Variants in ARMC9 observed in about 807,000 individuals in gnomAD.
ARMC9 encodes the protein lisH domain-containing protein ARMC9.
Under a neutral mutation model 107.0 loss-of-function variants are expected in ARMC9, and 94 were observed. That is an observed-to-expected ratio of 0.88 (90% CI 0.74 to 1.04). ARMC9 has a LOEUF of 1.04. Among genes scored for constraint, ARMC9 ranks in the 50% least tolerant of loss-of-function variants. ARMC9 has a pLI of 0.00. For missense variants in ARMC9, 942 were observed against 1,030.1 expected (o/e 0.91, Z 1.17); for synonymous variants, 380 against 396.9 (o/e 0.96, Z 0.51).
At chr2:231,330,051 C>T (rs1366379016) in intron 19 of ARMC9, among the ~76,000 whole-genome samples, 1 of 152,074 alleles carries the variant, frequency 6.6e-6, no homozygotes, top group Non-Finnish European at 1.5e-5. Context: ...GTCTTAAACC[C>T]ACTGGACATA....
At chr2:231,263,499 C>T (rs893313248) in intron 12 of ARMC9, among the ~76,000 whole-genome samples, 5 of 152,178 alleles carry the variant, frequency 3.3e-5, no homozygotes, top group African/African-American at 1.2e-4. Flanking sequence ...ATAACTAACC[C>T]ACTCCGGCAA....
chr2:231,278,075 G>C (rs997533072), intron 15 of ARMC9, among the ~76,000 whole-genome samples: 1 of 152,146 alleles, frequency 6.6e-6, no homozygotes, highest in Admixed American at 6.6e-5. Context: ...TCTGACCGGA[G>C]TAATAGCCAC....
chr2:231,332,766 C>A (rs981345794), intron 20 of ARMC9, among the ~76,000 whole-genome samples: 12 of 152,150 alleles, frequency 7.9e-5, no homozygotes, highest in Non-Finnish European at 1.6e-4. Flanking sequence ...TGCCAGGAAC[C>A]AGGACCAATT....
intron 19 of ARMC9, among the ~76,000 whole-genome samples, chr2:231,310,129 A>C (rs765466249): frequency 2.0e-5 from 3 of 152,180 alleles, no homozygotes; most frequent in African/African-American, 7.2e-5. Context: ...AAGTTCAGCT[A>C]TGGGGCCGGG....
chr2:231,244,325 C>T (rs1470912074), intron 9 of ARMC9, among the ~76,000 whole-genome samples: 1 of 150,858 alleles, frequency 6.6e-6, no homozygotes, highest in Admixed American at 6.6e-5. Flanking sequence ...GAAAATATCA[C>T]TGTTGGTACT....
At chr2:231,276,195 G>T (rs2039732898) in intron 14 of ARMC9, among the ~76,000 whole-genome samples, 1 of 151,676 alleles carries the variant, frequency 6.6e-6, no homozygotes, top group South Asian at 2.1e-4. Flanking sequence ...AATTGTATGG[G>T]TTTAACAAAA....
chr2:231,368,219 T>A (rs942196802), intron 23 of ARMC9, among the ~76,000 whole-genome samples: 3 of 152,070 alleles, frequency 2.0e-5, no homozygotes, highest in African/African-American at 7.2e-5. Context: ...AGCTCCTTTG[T>A]ATGTGTGAAA....
intron 19 of ARMC9, among the ~76,000 whole-genome samples, chr2:231,299,196 G>A (rs1054286651): frequency 1.3e-5 from 2 of 152,044 alleles, no homozygotes; most frequent in African/African-American, 4.8e-5. Flanking sequence ...AAAAATAAAG[G>A]TAGAGCTAGA....
At chr2:231,311,555 A>G (rs1428890981) in intron 19 of ARMC9, among the ~76,000 whole-genome samples, 1 of 152,072 alleles carries the variant, frequency 6.6e-6, no homozygotes, top group Non-Finnish European at 1.5e-5. Context: ...GGATCACTTG[A>G]GGTCAGGAGT....
intron 11 of ARMC9, among the ~76,000 whole-genome samples, chr2:231,261,440 G>A (rs2125412126): frequency 6.6e-6 from 1 of 152,292 alleles, no homozygotes; most frequent in Non-Finnish European, 1.5e-5. Context: ...GTGCACACAA[G>A]CGCACATGCA....
intron 19 of ARMC9, among the ~76,000 whole-genome samples, chr2:231,318,849 A>C (rs1191995086): frequency 6.6e-6 from 1 of 152,206 alleles, no homozygotes; most frequent in East Asian, 1.9e-4. Flanking sequence ...AAGTCGTTAG[A>C]TCCTAGGGAT....
At chr2:231,332,746 G>C (rs2043827758) in intron 20 of ARMC9, among the ~76,000 whole-genome samples, 1 of 152,182 alleles carries the variant, frequency 6.6e-6, no homozygotes, top group Non-Finnish European at 1.5e-5. Flanking sequence ...GTCTGGAAGG[G>C]AGGAGCAATT....
Position 231,358,684 on chromosome 2 carries a change from TTCAG to T in ARMC9, c.2132-2065_2132-2062del, listed in dbSNP as rs779929302. ...TGAGGAAGAGCCTTTGCGCTTTGCGTTCAGTCAGCACCGCAGGGAAAACTCATGA... is the reference window on the plus strand; with the variant it reads ...TGAGGAAGAGCCTTTGCGCTTTGCGTTCAGCACCGCAGGGAAAACTCATGA... On this transcript the variant is annotated intron_variant, in intron 22 of 24. Transcript: ENST00000611582. The surrounding 1 kb of genome is among the most constrained non-coding windows in gnomAD (Gnocchi z 4.5). Among the ~76,000 whole-genome samples the T allele has an allele frequency of 8.5e-4, 130 of 152,244 alleles. No individual in the cohort carries two copies. Among genetic ancestry groups the T allele is most frequent in the Non-Finnish European group, 1.1e-3 (74 of 68,016 alleles).
intron 19 of ARMC9, among the ~76,000 whole-genome samples, chr2:231,324,355 T>A (rs1452760497): frequency 6.6e-6 from 1 of 151,098 alleles, no homozygotes; most frequent in African/African-American, 2.4e-5. Context: ...CTTGAACGCC[T>A]GACCTCGTAA....
intron 21 of ARMC9, among the ~76,000 whole-genome samples, chr2:231,353,825 A>G (rs570753903): frequency 1.3e-5 from 2 of 151,914 alleles, no homozygotes; most frequent in East Asian, 1.9e-4. Flanking sequence ...CTGCTTCTCA[A>G]TTGACACCCC....
Position 231,360,097 on chromosome 2 carries a change from G to A in ARMC9, c.2132-657G>A, listed in dbSNP as rs913500525. On this transcript the variant is annotated intron_variant, in intron 22 of 24. Coordinates refer to ENST00000611582, the MANE Select transcript of ARMC9 (RefSeq NM_001352754.2). The surrounding 1 kb of genome is among the most constrained non-coding windows in gnomAD (Gnocchi z 4.7). ...GGAAGGGGTGCGTGGCATCTGAGAT[G>A]CAGGAACATCTGTTCCCAGGCCCTT... is the stretch of plus-strand genomic sequence containing the variant. 2.6e-5 allele frequency among the ~76,000 whole-genome samples: 4 copies of A among 152,010 alleles called. No individual in the cohort carries two copies. Among genetic ancestry groups the A allele is most frequent in the Non-Finnish European group, 5.9e-5 (4 of 67,996 alleles).
chr2:231,205,633 G>A (rs1052924178), intron 1 of ARMC9, among the ~76,000 whole-genome samples: 17 of 152,186 alleles, frequency 1.1e-4, no homozygotes, highest in African/African-American at 2.4e-5. Flanking sequence ...TTTAGCCATT[G>A]TATTTCCTAG....
Position 231,355,740 on chromosome 2 carries a change from G to A in ARMC9, c.1995-58G>A, listed in dbSNP as rs151050561. On this transcript the variant is annotated intron_variant, in intron 21 of 24. Coordinates refer to ENST00000611582, the MANE Select transcript of ARMC9 (RefSeq NM_001352754.2). Reference sequence around the variant, plus strand: ...ATTTGTGATGCTGCAGTCGGCAGTCGGCAGTCCGAATCTCCTGGCTGGCTG... The same window carrying A: ...ATTTGTGATGCTGCAGTCGGCAGTCAGCAGTCCGAATCTCCTGGCTGGCTG... 142 of 1,466,410 alleles carry A rather than the reference G, an allele frequency of 9.7e-5. No homozygotes were observed. In the African/African-American group the frequency reaches 1.8e-3, roughly 18 times the overall value. The allele number at this position is 1,466,410 out of a possible 1,614,324, so 90.8% of individuals were successfully genotyped here. A position where few individuals can be genotyped will look rare whatever the true frequency, so the allele number is the denominator to read the frequency against.
At chr2:231,226,113 T>C (rs2034624444) in intron 6 of ARMC9, among the ~76,000 whole-genome samples, 1 of 152,202 alleles carries the variant, frequency 6.6e-6, no homozygotes, top group East Asian at 1.9e-4. Flanking sequence ...CGCCTCAGCC[T>C]CCCAAATTGC....
Sources: gnomAD v4.1 joint callset for allele counts (sites outside exome capture counted in the v4.1 genomes callset) on GRCh38, gnomAD v4.1.1 for gene constraint, Gnocchi (gnomAD v3.1) non-coding constraint, MANE v1.5 for transcripts, NCBI Gene and HGNC (gene_info 2026-07-23, HGNC 2026-07-21) for gene names.